Variants in NAV2 observed in about 807,000 individuals in gnomAD.
NAV2 encodes the protein neuron navigator 2.
A neutral mutation model predicts 223.2 loss-of-function variants in NAV2; 54 were observed. The ratio of observed to expected loss-of-function variants is 0.24; its 90% CI spans 0.19 to 0.30. The LOEUF (loss-of-function observed/expected upper bound fraction) is 0.30. NAV2 is among the 10% of genes least tolerant of loss of function. The pLI, the probability that NAV2 is intolerant of heterozygous loss-of-function variation, is 1.00. For synonymous variants in NAV2, 1,279 were observed against 1,239.3 expected (o/e 1.03, Z -0.67); for missense variants, 2,806 against 3,147.5 (o/e 0.89, Z 2.60).
chr11:19,815,341 TG>T (rs1444328041), intron 1 of NAV2, among the ~76,000 whole-genome samples: 1 of 152,234 alleles, frequency 6.6e-6, no homozygotes, highest in East Asian at 1.9e-4. Flanking sequence ...GCACAATTAA[TG>T]GGGATGTCCC....
At chr11:19,353,004 C>T (rs1022831731) in intron 1 of NAV2, among the ~76,000 whole-genome samples, 4 of 152,114 alleles carry the variant, frequency 2.6e-5, no homozygotes, top group South Asian at 4.1e-4. Flanking sequence ...GTCTTGTCCA[C>T]GAAGCTGAAA....
chr11:19,353,324 C>G (rs1853433252), intron 1 of NAV2, among the ~76,000 whole-genome samples: 1 of 152,200 alleles, frequency 6.6e-6, no homozygotes, highest in Non-Finnish European at 1.5e-5. Context: ...TCTCATGCAC[C>G]TGGTTGTAGC....
chr11:20,077,698 A>G (rs1167769075), intron 23 of NAV2, 63 bp downstream of exon 23: 4 of 1,276,744 alleles, frequency 3.1e-6, no homozygotes, highest in East Asian at 2.3e-5. Flanking sequence ...TGAAAATACT[A>G]TTCTTTCATT....
chr11:19,603,132 T>G (rs1255978580), intron 1 of NAV2, among the ~76,000 whole-genome samples: 1 of 152,184 alleles, frequency 6.6e-6, no homozygotes, highest in East Asian at 1.9e-4. Flanking sequence ...ACGTAGTAGC[T>G]TTGCCTTGTG....
chr11:19,511,444 T>C (rs2043276761), intron 1 of NAV2: 1 of 152,282 alleles, frequency 6.6e-6, no homozygotes, highest in South Asian at 2.1e-4. Flanking sequence ...TGACTGCTAA[T>C]GAATACAGAG....
At chr11:19,418,668 G>A (rs769710302) in intron 1 of NAV2, among the ~76,000 whole-genome samples, 7 of 152,122 alleles carry the variant, frequency 4.6e-5, no homozygotes, top group Non-Finnish European at 1.0e-4. Flanking sequence ...GGATTGAGAC[G>A]GGGTTGGAAA....
At chr11:19,440,061 T>G (rs1590206434) in intron 1 of NAV2, among the ~76,000 whole-genome samples, 2 of 152,256 alleles carry the variant, frequency 1.3e-5, no homozygotes, top group East Asian at 3.8e-4. Flanking sequence ...AGAAGCATTC[T>G]TTCTTTATGT....
intron 1 of NAV2, among the ~76,000 whole-genome samples, chr11:19,741,685 G>GTATATATATATA (rs751946530): frequency 7.6e-6 from 1 of 131,860 alleles, no homozygotes; most frequent in African/African-American, 3.2e-5. Flanking sequence ...ATGTGTGTGT[G>GTATATATATATA]TGTATATATA....
intron 1 of NAV2, among the ~76,000 whole-genome samples, chr11:19,684,559 T>C (rs1234133550): frequency 3.3e-5 from 5 of 152,176 alleles, no homozygotes; most frequent in African/African-American, 9.7e-5. Flanking sequence ...TTGGTGCTTT[T>C]TGAGCTGCTA....
intron 25 of NAV2, among the ~76,000 whole-genome samples, chr11:20,080,822 G>T (rs7103552): frequency 3.3e-5 from 5 of 152,004 alleles, no homozygotes; most frequent in African/African-American, 1.2e-4. Context: ...CATAATCCCA[G>T]TGAGTTATTT....
At chr11:19,778,121 G>T (rs1266236536) in intron 1 of NAV2, 1 of 395,664 alleles carries the variant, frequency 2.5e-6, no homozygotes, top group African/African-American at 2.1e-5. Flanking sequence ...AGTCCCGGGA[G>T]AGCTGAGGAT....
At chr11:19,588,158 A>G (rs896282574) in intron 1 of NAV2, among the ~76,000 whole-genome samples, 1 of 152,216 alleles carries the variant, frequency 6.6e-6, no homozygotes, top group Non-Finnish European at 1.5e-5. Flanking sequence ...CTGGTCAACT[A>G]TTTCGGGCCA....
intron 1 of NAV2, among the ~76,000 whole-genome samples, chr11:19,438,876 T>C (rs1851301858): frequency 6.6e-6 from 1 of 150,582 alleles, no homozygotes; most frequent in Non-Finnish European, 1.5e-5. Flanking sequence ...AAAGGCTGTC[T>C]AAACTTAGAA....
intron 10 of NAV2, among the ~76,000 whole-genome samples, chr11:19,975,485 G>A (rs766021104): frequency 6.6e-6 from 1 of 152,094 alleles, no homozygotes; most frequent in Non-Finnish European, 1.5e-5. Flanking sequence ...AAAATGCTCT[G>A]GAAATTAGTA....
intron 1 of NAV2, among the ~76,000 whole-genome samples, chr11:19,443,491 G>T (rs1170724057): frequency 6.6e-6 from 1 of 152,228 alleles, no homozygotes; most frequent in Non-Finnish European, 1.5e-5. Flanking sequence ...AGTCCCACAT[G>T]CTGAGCAAGG....
At chr11:19,556,312 A>AT in intron 1 of NAV2, among the ~76,000 whole-genome samples, 1 of 152,380 alleles carries the variant, frequency 6.6e-6, no homozygotes, top group Middle Eastern at 3.4e-3. Flanking sequence ...ACCATTAAAA[A>AT]TTATGTGTGT....
At chr11:19,899,952 A>G (rs572551632) in intron 6 of NAV2, among the ~76,000 whole-genome samples, 29 of 152,280 alleles carry the variant, frequency 1.9e-4, no homozygotes, top group African/African-American at 5.3e-4. Flanking sequence ...TTGGTCATCA[A>G]GAGATCTTTG....
At chr11:19,856,682 T>G (rs1481491100) in intron 3 of NAV2, among the ~76,000 whole-genome samples, 5 of 152,202 alleles carry the variant, frequency 3.3e-5, no homozygotes, top group Non-Finnish European at 7.4e-5. Context: ...TGGGGTTAGA[T>G]TTCTCATAGA....
At chr11:19,903,664 A>G (rs2042627281) in intron 6 of NAV2, among the ~76,000 whole-genome samples, 1 of 152,110 alleles carries the variant, frequency 6.6e-6, no homozygotes, top group Admixed American at 6.5e-5. Context: ...AAAAAAAAAA[A>G]AAAGTCCTTT....
Sources: gnomAD v4.1 joint callset for allele counts (sites outside exome capture counted in the v4.1 genomes callset) on GRCh38, gnomAD v4.1.1 for gene constraint, MANE v1.5 for transcripts, NCBI Gene and HGNC (gene_info 2026-07-23, HGNC 2026-07-21) for gene names.